CNBD1: variants seen among roughly 807,000 people sequenced by gnomAD.
CNBD1 encodes the protein cyclic nucleotide binding domain containing 1.
CNBD1 carries 71 observed loss-of-function variants against 54.4 expected under a neutral mutation model. That is an observed-to-expected ratio of 1.30 (90% CI 1.08 to 1.59). CNBD1 has a LOEUF of 1.59. Ranked by LOEUF, CNBD1 falls within the 40% of genes most tolerant of loss-of-function variation. CNBD1 has a pLI of 0.00. For missense variants in CNBD1, 659 were observed against 518.0 expected (o/e 1.27, Z -2.64); for synonymous variants, 182 against 170.7 (o/e 1.07, Z -0.51).
chr8:87,189,039 A>C (rs994981848), intron 4 of CNBD1, among the ~76,000 whole-genome samples: 35 of 152,236 alleles, frequency 2.3e-4, no homozygotes, highest in African/African-American at 8.2e-4. Context: ...GTGTAGTAGA[A>C]GCAGCTTCTT....
intron 4 of CNBD1, among the ~76,000 whole-genome samples, chr8:87,029,436 G>C (rs149975802): frequency 6.6e-6 from 1 of 152,128 alleles, no homozygotes; most frequent in Admixed American, 6.6e-5. Context: ...TTTTTGGGTG[G>C]TTATCATTTT....
intron 4 of CNBD1, among the ~76,000 whole-genome samples, chr8:87,138,670 C>T (rs572124096): frequency 3.3e-5 from 5 of 152,146 alleles, no homozygotes; most frequent in Non-Finnish European, 7.4e-5. Flanking sequence ...TGGTTTTGGC[C>T]AGGTGCTCCT....
intron 8 of CNBD1, among the ~76,000 whole-genome samples, chr8:87,320,491 C>G (rs1586009684): frequency 6.6e-6 from 1 of 152,080 alleles, no homozygotes; most frequent in Admixed American, 6.6e-5. Flanking sequence ...CTGACAGAGG[C>G]AAATTATTTT....
At chr8:86,962,879 T>A (rs1486038252) in intron 4 of CNBD1, among the ~76,000 whole-genome samples, 1 of 152,084 alleles carries the variant, frequency 6.6e-6, no homozygotes, top group African/African-American at 2.4e-5. Flanking sequence ...GCTTCTGGGT[T>A]CCCTTCCCCT....
intron 10 of CNBD1, among the ~76,000 whole-genome samples, chr8:87,355,338 C>T (rs987621202): frequency 5.9e-5 from 9 of 152,152 alleles, no homozygotes; most frequent in Admixed American, 2.0e-4. Context: ...TGGCTTTCAT[C>T]TCTAAGGTCA....
intron 4 of CNBD1, among the ~76,000 whole-genome samples, chr8:87,035,847 C>A (rs1270315857): frequency 1.3e-5 from 2 of 152,118 alleles, no homozygotes; most frequent in East Asian, 3.8e-4. Flanking sequence ...TCCTGTATTG[C>A]TAATGTTACC....
intron 6 of CNBD1, among the ~76,000 whole-genome samples, chr8:87,256,653 G>C (rs1808030185): frequency 9.0e-6 from 1 of 111,084 alleles, no homozygotes; most frequent in African/African-American, 3.9e-5. Flanking sequence ...CTAAAGATCA[G>C]TGATTTGGGG....
At position 87,279,867 on chromosome 8, in the gene CNBD1, C is replaced by T. The variant is rs1808560995; in HGVS notation, c.772-4811C>T. The stretch of plus-strand genomic sequence containing the variant: ...TATGTATGAGGGACATAATAGGAAG[C>T]CATGCTTAGCCAACTTTTAAAGAGA... On this transcript the variant is annotated intron_variant, in intron 6 of 10. Coordinates refer to ENST00000518476, the MANE Select transcript of CNBD1 (RefSeq NM_173538.3). Among the ~76,000 whole-genome samples, 3 of 151,338 alleles carry T rather than the reference C, an allele frequency of 2.0e-5. No individual in the cohort carries two copies. The South Asian group carries it at 6.2e-4, about 31-fold the overall frequency.
At chr8:86,924,133 C>G (rs1305360388) in intron 3 of CNBD1, among the ~76,000 whole-genome samples, 2 of 152,156 alleles carry the variant, frequency 1.3e-5, no homozygotes, top group Non-Finnish European at 2.9e-5. Flanking sequence ...CAATTAGATG[C>G]CCCATTCATT....
intron 4 of CNBD1, among the ~76,000 whole-genome samples, chr8:87,100,776 G>A (rs1184959359): frequency 6.6e-6 from 1 of 152,092 alleles, no homozygotes; most frequent in Non-Finnish European, 1.5e-5. Context: ...TGCCTGGCCA[G>A]AAAGCCAAAT....
intron 4 of CNBD1, among the ~76,000 whole-genome samples, chr8:87,160,477 A>G (rs1240175123): frequency 1.3e-5 from 2 of 152,166 alleles, no homozygotes; most frequent in African/African-American, 4.8e-5. Flanking sequence ...GTTTCAGAGT[A>G]GCATTTGACA....
At chr8:86,937,783 A>C (rs1445584512) in intron 3 of CNBD1, among the ~76,000 whole-genome samples, 2 of 151,836 alleles carry the variant, frequency 1.3e-5, no homozygotes, top group Admixed American at 1.3e-4. Flanking sequence ...GCTGCCATGA[A>C]GATCTCTGAC....
chr8:87,083,404 C>T (rs1486410728), intron 4 of CNBD1, among the ~76,000 whole-genome samples: 1 of 152,066 alleles, frequency 6.6e-6, no homozygotes, highest in Non-Finnish European at 1.5e-5. Context: ...CACTATAAGA[C>T]TTCAAAAGAA....
chr8:87,256,786 A>G (rs1196697000), intron 6 of CNBD1, among the ~76,000 whole-genome samples: 1 of 151,722 alleles, frequency 6.6e-6, no homozygotes, highest in Non-Finnish European at 1.5e-5. Context: ...AAGGTTTACA[A>G]TGGATATACA....
intron 2 of CNBD1, among the ~76,000 whole-genome samples, chr8:87,397,081 G>C (rs894608264): frequency 1.3e-5 from 2 of 151,414 alleles, no homozygotes; most frequent in South Asian, 4.2e-4. Context: ...CTAGACTCTT[G>C]ATTATTTGAC....
chr8:87,323,980 A>G (rs1220622743), intron 8 of CNBD1, among the ~76,000 whole-genome samples: 1 of 136,458 alleles, frequency 7.3e-6, no homozygotes, highest in Non-Finnish European at 1.6e-5. Context: ...ACGTCCCATC[A>G]ATACCTAATT....
chr8:87,382,510 A>G (rs1320159207), intron 10 of CNBD1, 110 bp from the exon 11 acceptor site: 2 of 769,152 alleles, frequency 2.6e-6, no homozygotes, highest in Non-Finnish European at 4.3e-6. Flanking sequence ...TTTAAAGCAT[A>G]ACCCCTCTGA....
At chr8:86,992,185 G>T (rs1011448146) in intron 4 of CNBD1, among the ~76,000 whole-genome samples, 2 of 151,992 alleles carry the variant, frequency 1.3e-5, no homozygotes, top group Non-Finnish European at 2.9e-5. Context: ...ATTACTCTGG[G>T]TGTTCCAATG....
At chr8:86,968,398 T>G (rs1808141339) in intron 4 of CNBD1, among the ~76,000 whole-genome samples, 1 of 152,114 alleles carries the variant, frequency 6.6e-6, no homozygotes, top group Non-Finnish European at 1.5e-5. Context: ...TTCTAATACC[T>G]AAAGAAAGAG....
Sources: allele counts gnomAD v4.1 joint callset (sites outside exome capture counted in the v4.1 genomes callset), GRCh38; gene constraint gnomAD v4.1.1; transcripts MANE v1.5; gene names NCBI Gene and HGNC (gene_info 2026-07-23, HGNC 2026-07-21).